Variants in CFAP91 observed in about 807,000 individuals in gnomAD.
CFAP91 encodes cilia- and flagella-associated protein 91.
Under a neutral mutation model 95.9 loss-of-function variants are expected in CFAP91, and 85 were observed. The ratio of observed to expected loss-of-function variants is 0.89; its 90% CI spans 0.74 to 1.06. The LOEUF is 1.06. Among genes scored for constraint, CFAP91 ranks in the 50% least tolerant of loss-of-function variants. The pLI, the probability that CFAP91 is intolerant of heterozygous loss-of-function variation, is 0.00. For missense variants in CFAP91, 962 were observed against 943.4 expected (o/e 1.02, Z -0.26); for synonymous variants, 335 against 327.5 (o/e 1.02, Z -0.25).
intron 17 of CFAP91, among the ~76,000 whole-genome samples, chr3:119,762,946 A>G (rs904695383): frequency 2.6e-5 from 4 of 152,126 alleles, no homozygotes; most frequent in African/African-American, 9.7e-5. Context: ...AAGCACAGGC[A>G]ACAAAAGTGA....
rs560136311 is a variant in CFAP91, at chr3:119,747,826, G to A, written c.2067G>A (p.Gln689=). 1.2e-6 allele frequency: 2 copies of A among 1,613,080 alleles called. No homozygotes were observed. Among genetic ancestry groups the A allele is most frequent in the East Asian group, 2.2e-5 (1 of 44,856 alleles). Residue 689 remains glutamine, a synonymous_variant, in exon 16 of 18, where the codon CAG becomes CAA. Transcript: ENST00000273390. ...YEMESRRTYL[Q]SEEIVAELVY... The stretch of plus-strand genomic sequence containing the variant: ...TATTTTTTAGCCGAACCTATCTTCA[G>A]TCAGAGGAGATTGTTGCTGAGTTGG...
intron 16 of CFAP91, among the ~76,000 whole-genome samples, 155 bp downstream of exon 16, chr3:119,748,057 C>T (rs9858328): frequency 0.016 from 2,412 of 152,268 alleles, 60 homozygotes; most frequent in African/African-American, 0.055. Context: ...TCTCTTCATG[C>T]TGCCTGATTC....
chr3:119,749,659 C>G (rs1161604300), intron 16 of CFAP91, among the ~76,000 whole-genome samples: 2 of 152,154 alleles, frequency 1.3e-5, no homozygotes, highest in Non-Finnish European at 2.9e-5. Flanking sequence ...TCCTTAGCCT[C>G]TTCCCTTTAT....
At chr3:119,731,026 T>C (rs2053886918) in intron 8 of CFAP91, among the ~76,000 whole-genome samples, 1 of 152,020 alleles carries the variant, frequency 6.6e-6, no homozygotes, top group Admixed American at 6.6e-5. Context: ...TGCTTAAGGC[T>C]AGAAGTTCAA....
At chr3:119,716,011 G>A in intron 6 of CFAP91, 3 of 570,946 alleles carry the variant, frequency 5.3e-6, no homozygotes, top group East Asian at 2.8e-5. Context: ...ACTCACCTAT[G>A]TCCTCTCATT....
chr3:119,703,812 A>G (rs911959528), intron 1 of CFAP91, among the ~76,000 whole-genome samples: 3 of 152,000 alleles, frequency 2.0e-5, no homozygotes, highest in African/African-American at 7.3e-5. Context: ...GAGTTCCTTA[A>G]GTTCCTGTTC....
chr3:119,744,544 C>T (rs547094016), intron 14 of CFAP91, among the ~76,000 whole-genome samples: 1 of 152,216 alleles, frequency 6.6e-6, no homozygotes, highest in African/African-American at 2.4e-5. Context: ...AACAAGGCGG[C>T]CAGGAAGGAG....
At chr3:119,761,797 C>CA (rs1006964259) in intron 17 of CFAP91, among the ~76,000 whole-genome samples, 35 of 151,238 alleles carry the variant, frequency 2.3e-4, no homozygotes, top group South Asian at 1.0e-3. Context: ...TCTTTCATGA[C>CA]AAAAAAAACT....
chr3:119,707,873 G>A (rs2053400653), intron 3 of CFAP91, among the ~76,000 whole-genome samples: 1 of 151,752 alleles, frequency 6.6e-6, no homozygotes, highest in Admixed American at 6.6e-5. Flanking sequence ...TATTTTTTGG[G>A]AACTTGGGGC....
chr3:119,715,596 A>G lies in CFAP91; in HGVS notation c.535A>G (p.Lys179Glu), dbSNP rs936985209. The change falls in exon 6 of 18, where the codon AAG becomes GAG. Residue 179 changes from lysine to glutamate, a missense_variant. Coordinates refer to ENST00000273390, the MANE Select transcript of CFAP91 (RefSeq NM_033364.4). ...ATACACTTTTCCTCCTACTTCTACTAAGCACCTATCCATCCCTTCAAAGTC... is the reference window on the plus strand; with the variant it reads ...ATACACTTTTCCTCCTACTTCTACTGAGCACCTATCCATCCCTTCAAAGTC... The part of the protein sequence containing the change: ...EPYTFPPTST[K>E]HLSIPSKSTV... The G allele has an allele frequency of 6.2e-6, 10 of 1,614,008 alleles. No homozygotes were observed. The highest frequency in any genetic ancestry group is 8.5e-6 in the Non-Finnish European group (10 of 1,179,984).
At chr3:119,746,120 T>A (rs2054215213) in intron 14 of CFAP91, among the ~76,000 whole-genome samples, 1 of 152,180 alleles carries the variant, frequency 6.6e-6, no homozygotes, top group Non-Finnish European at 1.5e-5. Context: ...CTAAACTACT[T>A]TGTTTATGGT....
intron 7 of CFAP91, among the ~76,000 whole-genome samples, chr3:119,729,482 A>G (rs1192167209): frequency 6.6e-6 from 1 of 152,024 alleles, no homozygotes; most frequent in African/African-American, 2.4e-5. Flanking sequence ...CATCTCTACC[A>G]AAACTACAAA....
intron 6 of CFAP91, among the ~76,000 whole-genome samples, chr3:119,718,487 G>A (rs1577207042): frequency 6.6e-6 from 1 of 152,192 alleles, no homozygotes; most frequent in East Asian, 1.9e-4. Context: ...TGGTAGAGAA[G>A]CAATGCAAGA....
At position 119,737,447 on chromosome 3, in the gene CFAP91, C is replaced by T. The variant is rs371677982; in HGVS notation, c.1426C>T (p.Arg476Trp). The change falls in exon 11 of 18, where the codon CGG (arginine) becomes TGG (tryptophan). Residue 476 changes from arginine to tryptophan, a missense_variant. By Grantham distance (101) the Arg-to-Trp change is moderately radical. Transcript: ENST00000273390. ...TCAAAGAAACCCAATACCTCAACCTCGGCTTCCAACTCCAACCTTGGAAAT... is the reference window on the plus strand; with the variant it reads ...TCAAAGAAACCCAATACCTCAACCTTGGCTTCCAACTCCAACCTTGGAAAT... ...FLQRNPIPQP[R>W]LPTPTLEMTS... is the part of the protein sequence containing the mutation. 5.5e-5 allele frequency: 89 copies of T among 1,609,704 alleles called. No individual in the cohort carries two copies. The East Asian group carries it at 1.6e-3, about 30-fold the overall frequency.
chr3:119,720,806 C>T (rs2053669823), intron 6 of CFAP91, among the ~76,000 whole-genome samples: 1 of 152,200 alleles, frequency 6.6e-6, no homozygotes, highest in African/African-American at 2.4e-5. Flanking sequence ...AATGGCATAG[C>T]ATTTGCATAT....
At position 119,726,315 on chromosome 3, in the gene CFAP91, A is replaced by G. The variant is rs890667725; in HGVS notation, c.827A>G (p.Lys276Arg). 26 of 1,613,476 alleles carry G rather than the reference A, an allele frequency of 1.6e-5. No homozygotes were observed. Among genetic ancestry groups the G allele is most frequent in the Non-Finnish European group, 2.0e-5 (24 of 1,179,812 alleles). ...RRKMMNEMER[K>R]EWAFREQEIE... Reference sequence around the variant, plus strand: ...AAAATGATGAATGAAATGGAGAGGAAGGAGTGGGCCTTCAGAGAGCAGGAG... The same window carrying G: ...AAAATGATGAATGAAATGGAGAGGAGGGAGTGGGCCTTCAGAGAGCAGGAG... Residue 276 changes from lysine (K) to arginine (R), a missense_variant, in exon 7 of 18, where the codon AAG becomes AGG. Physicochemically the swap from Lys to Arg is conservative, Grantham distance 26. Coordinates refer to ENST00000273390, the MANE Select transcript of CFAP91 (RefSeq NM_033364.4).
chr3:119,745,560 A>T (rs1391174103), intron 14 of CFAP91, among the ~76,000 whole-genome samples: 1 of 152,268 alleles, frequency 6.6e-6, no homozygotes, highest in Non-Finnish European at 1.5e-5. Flanking sequence ...ATAAACACAC[A>T]GGTACATATA....
intron 10 of CFAP91, among the ~76,000 whole-genome samples, chr3:119,734,105 C>A (rs997754186): frequency 6.6e-6 from 1 of 152,084 alleles, no homozygotes; most frequent in African/African-American, 2.4e-5. Flanking sequence ...GGGCTCCATC[C>A]CCAAAGTTTC....
At chr3:119,720,087 CAA>C (rs71293248) in intron 6 of CFAP91, among the ~76,000 whole-genome samples, 1 of 124,312 alleles carries the variant, frequency 8.0e-6, no homozygotes, top group African/African-American at 3.0e-5. Flanking sequence ...ATACATAAAT[CAA>C]AAAAAAAAAA....
Sources: gnomAD v4.1 joint callset for allele counts (sites outside exome capture counted in the v4.1 genomes callset) on GRCh38, gnomAD v4.1.1 for gene constraint, MANE v1.5 for transcripts, NCBI Gene and HGNC (gene_info 2026-07-23, HGNC 2026-07-21) for gene names.